PITRM1: variants seen among roughly 807,000 people sequenced by gnomAD.
The protein encoded by PITRM1 is presequence protease, mitochondrial.
A neutral mutation model predicts 129.9 loss-of-function variants in PITRM1; 100 were observed. The ratio of observed to expected loss-of-function variants is 0.77; its 90% confidence interval spans 0.65 to 0.91. PITRM1 has a LOEUF of 0.91. PITRM1 is among the 40% of genes least tolerant of loss of function. The pLI, the probability that PITRM1 is intolerant of heterozygous loss-of-function variation, is 0.00. For synonymous variants in PITRM1, 591 were observed against 508.8 expected, an observed-to-expected ratio of 1.16 and a Z score of -2.17; for missense variants, 1,471 against 1,318.3, an observed-to-expected ratio of 1.12 and a Z score of -1.79.
intron 24 of PITRM1, 77 bp downstream of exon 24, chr10:3,140,610 A>G: frequency 1.5e-6 from 2 of 1,360,876 alleles, no homozygotes; most frequent in Non-Finnish European, 2.0e-6. Flanking sequence ...GCAGTAGAAG[A>G]AAATGACACT....
chr10:3,163,212 G>C (rs1842590693), intron 7 of PITRM1: 1 of 152,048 alleles, frequency 6.6e-6, no homozygotes, highest in African/African-American at 2.4e-5. Context: ...GCATTCATAT[G>C]TAAATACAAT....
rs576723299 is a variant in PITRM1, at chr10:3,144,379, T to C, written c.2458-13A>G. 3.3e-6 allele frequency: 5 copies of C among 1,526,244 alleles called. No homozygotes were observed. The African/African-American group carries it at 5.5e-5, about 17-fold the overall frequency. The allele number at this position is 1,526,244 out of a possible 1,614,324, so 94.5% of individuals were successfully genotyped here. A position where few individuals can be genotyped will look rare whatever the true frequency, so the allele number is the denominator to read the frequency against. On this transcript the variant is annotated splice_polypyrimidine_tract_variant and intron_variant, in intron 21 of 26. Transcript: ENST00000224949. ...TGGGCACAGGTTTCTGAAAATCAAG[T>C]TTCCAAGAGAAAAGAGAAAAATCCA... is the stretch of plus-strand genomic sequence containing the variant.
In PITRM1 at chr10:3,157,129, C is replaced by G. The variant is rs780376144; in HGVS notation, c.1348-65G>C. On this transcript the variant is annotated intron_variant, in intron 12 of 26. Coordinates refer to ENST00000224949, the MANE Select transcript of PITRM1 (RefSeq NM_014889.4). ...CACAGTACAACCTCCACCAACAGCC[C>G]AGACTTGATACTAAAATCCTAGTTT... 4 of 1,414,486 alleles carry G rather than the reference C, an allele frequency of 2.8e-6. No homozygotes were observed. In the African/African-American group the frequency reaches 5.9e-5, roughly 21 times the overall value. The allele number at this position is 1,414,486 out of a possible 1,614,324, so 87.6% of individuals were successfully genotyped here.
At chr10:3,138,198 C>T in intron 26 of PITRM1, 37 bp downstream of exon 26, 2 of 1,585,786 alleles carry the variant, frequency 1.3e-6, no homozygotes, top group Non-Finnish European at 8.7e-7. Context: ...ACGAGGGCTT[C>T]CAGTCCCAGA....
intron 14 of PITRM1, among the ~76,000 whole-genome samples, chr10:3,155,111 C>G (rs907597670): frequency 1.2e-4 from 19 of 152,182 alleles, no homozygotes; most frequent in African/African-American, 4.6e-4. Context: ...CACCTGTCTC[C>G]CCCACACACG....
At chr10:3,143,348 T>A in intron 23 of PITRM1, 41 bp downstream of exon 23, 1 of 1,271,092 alleles carries the variant, frequency 7.9e-7, no homozygotes, top group South Asian at 1.2e-5. Context: ...AGCTCTTCCG[T>A]AAGGCTCAGG....
At chr10:3,172,635 G>T in intron 1 of PITRM1, 82 bp downstream of exon 1, 1 of 1,270,886 alleles carries the variant, frequency 7.9e-7, no homozygotes, top group Non-Finnish European at 1.1e-6. Context: ...GCAGGGACGA[G>T]GACCCCTACG....
chr10:3,154,641 T>C (rs1841816213), intron 14 of PITRM1, among the ~76,000 whole-genome samples: 1 of 152,226 alleles, frequency 6.6e-6, no homozygotes, highest in South Asian at 2.1e-4. Flanking sequence ...AGATGATATC[T>C]GTCAAAATCT....
At chr10:3,172,495 C>G (rs1347472239) in intron 1 of PITRM1, among the ~76,000 whole-genome samples, 1 of 152,180 alleles carries the variant, frequency 6.6e-6, no homozygotes, top group African/African-American at 2.4e-5. Context: ...CGGCCCCCAG[C>G]CCGGGGCATC....
intron 7 of PITRM1, among the ~76,000 whole-genome samples, chr10:3,161,181 C>T (rs1314621803): frequency 1.3e-5 from 2 of 152,192 alleles, no homozygotes; most frequent in African/African-American, 2.4e-5. Flanking sequence ...GCATGAGCCA[C>T]CACACCTAGC....
At chr10:3,161,632 G>T (rs1842445383) in intron 7 of PITRM1, among the ~76,000 whole-genome samples, 2 of 150,190 alleles carry the variant, frequency 1.3e-5, no homozygotes, top group African/African-American at 4.9e-5. Flanking sequence ...ACAGACAGTT[G>T]AACCTCTGGA....
intron 1 of PITRM1, 32 bp downstream of exon 1, chr10:3,172,685 C>G: frequency 6.6e-7 from 1 of 1,526,474 alleles, no homozygotes; most frequent in Non-Finnish European, 8.8e-7. Flanking sequence ...CGGGTACCAG[C>G]GCGCCGAGCG....
rs370458168 is a variant in PITRM1 at position 3,155,595 on chromosome 10, C to T, written c.1617G>A (p.Glu539=). ...GCTCGGAAGGAAGCCTCTGACCTTTCTCGTAGATCTGCTGCCTGTCTCCGG... is the reference window on the plus strand; with the variant it reads ...GCTCGGAAGGAAGCCTCTGACCTTTTTCGTAGATCTGCTGCCTGTCTCCGG... ...LSPGDRQQIY[E]KGLELRSQQS... Residue 539 remains glutamate (E), a synonymous_variant, in exon 14 of 27, where the codon GAG becomes GAA. Coordinates refer to ENST00000224949, the MANE Select transcript of PITRM1 (RefSeq NM_014889.4). 2 of 1,613,930 alleles carry T rather than the reference C, an allele frequency of 1.2e-6. No individual in the cohort carries two copies. The highest frequency in any genetic ancestry group is 2.2e-5 in the South Asian group (2 of 91,068).
At chr10:3,165,722 C>T (rs917548807) in intron 4 of PITRM1, among the ~76,000 whole-genome samples, 195 bp from the exon 5 acceptor site, 1 of 152,234 alleles carries the variant, frequency 6.6e-6, no homozygotes. Context: ...GCTTTCCCAT[C>T]CCGTCTCAGG....
Position 3,158,933 on chromosome 10 carries a change from C to G in PITRM1, c.1117G>C (p.Asp373His). ...KALIESGLGT[D>H]FSPDVGYNGY... ...ACTCACCCAACATCAGGAGAAAAGT[C>G]TGTGCCAAGGCCAGATTCAATCAAG... The change falls in exon 10 of 27, where the codon GAC becomes CAC. Residue 373 changes from aspartate to histidine, a missense_variant. By Grantham distance (81) the Asp-to-His change is moderately conservative. Coordinates refer to ENST00000224949, the MANE Select transcript of PITRM1 (RefSeq NM_014889.4). 1 of 1,613,566 alleles carries G rather than the reference C, an allele frequency of 6.2e-7. No homozygotes were observed. The highest frequency in any genetic ancestry group is 8.5e-7 in the Non-Finnish European group (1 of 1,179,692).
chr10:3,157,508 A>G lies in PITRM1; in HGVS notation c.1274T>C (p.Ile425Thr), dbSNP rs780100902. 46 of 1,606,658 alleles carry G rather than the reference A, an allele frequency of 2.9e-5. 1 individual carries two copies. The highest frequency in any genetic ancestry group is 3.3e-4 in the Middle Eastern group (2 of 6,042). Residue 425 changes from isoleucine to threonine, a missense_variant, in exon 12 of 27, where the codon ATT becomes ACT. Coordinates refer to ENST00000224949, the MANE Select transcript of PITRM1 (RefSeq NM_014889.4). ...TTCAATTTTATGAAGTAAAGCCTCA[A>G]TTCGATCATCTTCAAATCCTTTCCT... ...VVEKGFEDDR[I>T]EALLHKIEIQ...
chr10:3,168,976 G>A (rs1351670583), intron 2 of PITRM1, among the ~76,000 whole-genome samples: 1 of 150,734 alleles, frequency 6.6e-6, no homozygotes, highest in African/African-American at 2.4e-5. Flanking sequence ...AATTAGCCAG[G>A]CGTGGTGGCA....
rs765890666 is a variant in PITRM1 at position 3,166,251 on chromosome 10, G to T, written c.396C>A (p.Ser132=). 7.4e-6 allele frequency: 12 copies of T among 1,612,710 alleles called. No individual in the cohort carries two copies. In the Admixed American group the frequency reaches 1.2e-4, roughly 16 times the overall value. ...PFFKMLNRSL[S]TFMNAFTASD... is the part of the protein sequence containing the mutation. ...TACCTGTGAAGGCGTTCATGAACGT[G>T]GAGAGGGACCGGTTCAACATTTTGA... The change falls in exon 4 of 27, where the codon TCC becomes TCA. Residue 132 remains serine (S), a synonymous_variant. Coordinates refer to ENST00000224949, the MANE Select transcript of PITRM1 (RefSeq NM_014889.4).
chr10:3,155,215 C>T lies in PITRM1; in HGVS notation c.1621+376G>A, dbSNP rs571585540. On this transcript the variant is annotated intron_variant, in intron 14 of 26. Coordinates refer to ENST00000224949, the MANE Select transcript of PITRM1 (RefSeq NM_014889.4). ...TGCTGCTCTGTGGCTGGCACACACCCGGTATGCCTGAGACAGGCCTCTTCC... is the reference window on the plus strand; with the variant it reads ...TGCTGCTCTGTGGCTGGCACACACCTGGTATGCCTGAGACAGGCCTCTTCC... Among the ~76,000 whole-genome samples, 45 of 152,300 alleles carry T rather than the reference C, an allele frequency of 3.0e-4. No homozygotes were observed. The South Asian group carries it at 6.4e-3, about 22-fold the overall frequency.
Sources: gnomAD v4.1 joint callset for allele counts (sites outside exome capture counted in the v4.1 genomes callset) on GRCh38, gnomAD v4.1.1 for gene constraint, MANE v1.5 for transcripts, NCBI Gene and HGNC (gene_info 2026-07-23, HGNC 2026-07-21) for gene names.